Variants in ADAM20 observed in about 807,000 individuals in gnomAD.
The protein encoded by ADAM20 is ADAM metallopeptidase domain 20, also known as disintegrin and metalloproteinase domain-containing protein 20.
For synonymous variants in ADAM20, 305 were observed against 310.2 expected (o/e 0.98, Z 0.18); for missense variants, 871 against 883.2 (o/e 0.99, Z 0.18).
At chr14:70,527,585 G>T (rs1453552979) in intron 1 of ADAM20, among the ~76,000 whole-genome samples, 1 of 152,130 alleles carries the variant, frequency 6.6e-6, no homozygotes, top group Non-Finnish European at 1.5e-5. Context: ...ACGCTCATCA[G>T]TGGTCTGTAT....
At chr14:70,540,161 G>A in the ADAM20 span, among the ~76,000 whole-genome samples, 1 of 152,286 alleles carries the variant, frequency 6.6e-6, no homozygotes, top group East Asian at 1.9e-4. Context: ...TTACAGGCAT[G>A]AGCCACTGTG....
Position 70,522,471 on chromosome 14 carries a change from T to C in ADAM20, c.*106A>G. ...TTGCAATCCTGACATGAAATGTCCA[T>C]GAAGTTTTATTTAAACAGTGAGACA... On this transcript the variant is annotated 3_prime_UTR_variant, in exon 2 of 2. Coordinates refer to ENST00000256389, the MANE Select transcript of ADAM20 (RefSeq NM_003814.5). 2 of 1,151,908 alleles carry C rather than the reference T, an allele frequency of 1.7e-6. No individual in the cohort carries two copies. Among genetic ancestry groups the C allele is most frequent in the Non-Finnish European group, 2.4e-6 (2 of 837,048 alleles). 71.4% of individuals were successfully genotyped at this position (1,151,908 alleles called of 1,614,324 possible).
the ADAM20 span, among the ~76,000 whole-genome samples, chr14:70,563,208 GA>G: frequency 2.0e-5 from 3 of 152,092 alleles, no homozygotes; most frequent in African/African-American, 7.2e-5. Flanking sequence ...CCTGAAGCCA[GA>G]AGGAGAGTGA....
chr14:70,523,431 G>T lies in ADAM20; in HGVS notation c.1327C>A (p.Pro443Thr). 1 of 1,614,014 alleles carries T rather than the reference G, an allele frequency of 6.2e-7. No individual in the cohort carries two copies. Among genetic ancestry groups the T allele is most frequent in the Non-Finnish European group, 8.5e-7 (1 of 1,179,970 alleles). Residue 443 changes from proline (P) to threonine (T), a missense_variant, in exon 2 of 2, where the codon CCT (proline) becomes ACT (threonine). Pro to Thr is a conservative substitution (Grantham distance 38). Coordinates refer to ENST00000256389, the MANE Select transcript of ADAM20 (RefSeq NM_003814.5). ...PCCLLNCTLH[P>T]GAACAFGICC... is the part of the protein sequence containing the mutation. ...ATTCCAAAAGCACAAGCAGCCCCAG[G>T]ATGTAGAGTACAGTTTAACAGACAA...
At chr14:70,544,884 AAATC>A in the ADAM20 span, among the ~76,000 whole-genome samples, 1 of 152,176 alleles carries the variant, frequency 6.6e-6, no homozygotes, top group East Asian at 1.9e-4. Context: ...AAATATTTAA[AAATC>A]AAAGACAAAA....
At chr14:70,546,227 G>C in the ADAM20 span, among the ~76,000 whole-genome samples, 3 of 152,168 alleles carry the variant, frequency 2.0e-5, no homozygotes, top group Non-Finnish European at 4.4e-5. Context: ...GAAGTTTACA[G>C]ATATAAGCAC....
At chr14:70,562,522 G>A in the ADAM20 span, among the ~76,000 whole-genome samples, 1 of 152,184 alleles carries the variant, frequency 6.6e-6, no homozygotes, top group Non-Finnish European at 1.5e-5. Context: ...GGAGAGGCCA[G>A]GGGTGAAATA....
chr14:70,538,165 G>C (rs1057429916), upstream of ADAM20, among the ~76,000 whole-genome samples: 1 of 151,680 alleles, frequency 6.6e-6, no homozygotes, highest in African/African-American at 2.4e-5. Context: ...CAAGCCCTCA[G>C]CCCCAAATCC....
chr14:70,523,614 C>T lies in ADAM20; in HGVS notation c.1144G>A (p.Ala382Thr). 2 of 1,614,038 alleles carry T rather than the reference C, an allele frequency of 1.2e-6. No individual in the cohort carries two copies. The highest frequency in any genetic ancestry group is 2.2e-5 in the South Asian group (2 of 91,078). ...VTTKFSNCSY[A>T]QYWDSTISSG... ...CTGATAGTACTGTCCCAATATTGGG[C>T]ATAACTGCAGTTGCTAAATTTAGTT... The change falls in exon 2 of 2, where the codon GCC (alanine) becomes ACC (threonine). Residue 382 changes from alanine (A) to threonine (T), a missense_variant. Transcript: ENST00000256389.
At chr14:70,560,661 CATG>C in the ADAM20 span, among the ~76,000 whole-genome samples, 1,326 of 152,190 alleles carry the variant, frequency 8.7e-3, 13 homozygotes, top group Non-Finnish European at 0.011. Context: ...TTGCTGTTCT[CATG>C]ATAATGATTC....
the ADAM20 span, among the ~76,000 whole-genome samples, chr14:70,569,797 C>G: frequency 6.9e-6 from 1 of 144,992 alleles, no homozygotes; most frequent in Non-Finnish European, 1.5e-5. Context: ...TACTAGTAGA[C>G]TTCAGAGATA....
At chr14:70,546,399 G>A in the ADAM20 span, among the ~76,000 whole-genome samples, 2 of 152,286 alleles carry the variant, frequency 1.3e-5, no homozygotes, top group East Asian at 3.9e-4. Flanking sequence ...GGAGACATGA[G>A]ACATCAATCA....
the ADAM20 span, among the ~76,000 whole-genome samples, chr14:70,576,611 A>G: frequency 6.6e-6 from 1 of 152,134 alleles, no homozygotes; most frequent in East Asian, 1.9e-4. Context: ...CTCAAGATCA[A>G]CAGTGGATAC....
chr14:70,564,172 G>A, the ADAM20 span, among the ~76,000 whole-genome samples: 2 of 152,262 alleles, frequency 1.3e-5, no homozygotes, highest in African/African-American at 4.8e-5. Context: ...GAGCAAAACA[G>A]AGGGGGCAGG....
intron 1 of ADAM20, among the ~76,000 whole-genome samples, chr14:70,527,691 G>A (rs1202451072): frequency 1.3e-5 from 2 of 152,056 alleles, no homozygotes; most frequent in South Asian, 2.1e-4. Flanking sequence ...TCTTAATCTC[G>A]CTGCTCAGCA....
chr14:70,546,184 C>T, the ADAM20 span, among the ~76,000 whole-genome samples: 1 of 151,984 alleles, frequency 6.6e-6, no homozygotes, highest in African/African-American at 2.4e-5. Flanking sequence ...CATACAAAAA[C>T]CTATGAGACA....
intron 1 of ADAM20, among the ~76,000 whole-genome samples, chr14:70,527,805 T>A (rs1883622252): frequency 2.0e-5 from 3 of 152,176 alleles, no homozygotes; most frequent in Admixed American, 2.0e-4. Context: ...CTCCCCTACA[T>A]GCAAGTGTCA....
At chr14:70,579,212 T>C in the ADAM20 span, among the ~76,000 whole-genome samples, 3 of 152,268 alleles carry the variant, frequency 2.0e-5, no homozygotes, top group Admixed American at 1.3e-4. Context: ...AGTAATGGGA[T>C]TGCTGGGTCG....
chr14:70,561,813 T>C, the ADAM20 span, among the ~76,000 whole-genome samples: 7 of 152,168 alleles, frequency 4.6e-5, no homozygotes, highest in African/African-American at 1.2e-4. Flanking sequence ...AAGGCAAGAG[T>C]TGAGGTTTGA....
Sources: allele counts gnomAD v4.1 joint callset (sites outside exome capture counted in the v4.1 genomes callset), GRCh38; gene constraint gnomAD v4.1.1; transcripts MANE v1.5; gene names NCBI Gene and HGNC (gene_info 2026-07-23, HGNC 2026-07-21).